GIT2: variants seen among roughly 807,000 people sequenced by gnomAD.
GIT2 encodes GIT ArfGAP 2.
Under a neutral mutation model 100.3 loss-of-function variants are expected in GIT2, and 32 were observed. The observed-to-expected ratio is 0.32, with a 90% CI of 0.24 to 0.43. GIT2 has a LOEUF of 0.43. GIT2 is among the 20% of genes least tolerant of loss of function. The probability of loss-of-function intolerance (pLI) is 1.00; values close to 1 mark genes in which losing one functional copy is unlikely to be tolerated. For synonymous variants in GIT2, 353 were observed against 364.1 expected, an observed-to-expected ratio of 0.97 and a Z score of 0.35; for missense variants, 737 against 975.1, an observed-to-expected ratio of 0.76 and a Z score of 3.25.
At chr12:109,984,633 G>T (rs1886986650) in intron 4 of GIT2, among the ~76,000 whole-genome samples, 2 of 151,846 alleles carry the variant, frequency 1.3e-5, no homozygotes, top group Admixed American at 6.6e-5. Flanking sequence ...TTTCAATACA[G>T]ATGAGGTCTC....
At chr12:109,966,387 T>C (rs1256818418) in intron 8 of GIT2, among the ~76,000 whole-genome samples, 5 of 151,106 alleles carry the variant, frequency 3.3e-5, no homozygotes, top group African/African-American at 7.3e-5. Context: ...CACACACCCA[T>C]AGTCCCAGCA....
At chr12:109,984,633 G>C (rs1886986650) in intron 4 of GIT2, among the ~76,000 whole-genome samples, 1 of 151,846 alleles carries the variant, frequency 6.6e-6, no homozygotes. Context: ...TTTCAATACA[G>C]ATGAGGTCTC....
chr12:109,996,559 G>C (rs1471604382), upstream of GIT2, among the ~76,000 whole-genome samples: 3 of 152,214 alleles, frequency 2.0e-5, no homozygotes, highest in Non-Finnish European at 4.4e-5. Context: ...TAATACCAGG[G>C]GAAGTAGCAA....
intron 7 of GIT2, among the ~76,000 whole-genome samples, chr12:109,968,354 C>T (rs1883004624): frequency 6.6e-6 from 1 of 151,536 alleles, no homozygotes; most frequent in African/African-American, 2.4e-5. Context: ...TTTTTGCCAT[C>T]CCATATCTTG....
rs1439404445 is a variant in GIT2, at chr12:109,938,778, G to C, written c.1815-210C>G. On this transcript the variant is annotated intron_variant, in intron 17 of 19. Transcript: ENST00000355312. ...CTGGAAGTGTTGACTCTCACAGGAA[G>C]GGTGAAGGAGGGGAAAAGGGAGGGA... The C allele has an allele frequency of 5.7e-6, 3 of 528,826 alleles. No homozygotes were observed. The African/African-American group carries it at 5.7e-5, about 10-fold the overall frequency. The allele number at this position is 528,826 out of a possible 1,614,324, so 32.8% of individuals were successfully genotyped here. A position where few individuals can be genotyped will look rare whatever the true frequency, so the allele number is the denominator to read the frequency against.
intron 12 of GIT2, 92 bp downstream of exon 12, chr12:109,959,755 T>C (rs1880571014): frequency 1.3e-6 from 1 of 759,090 alleles, no homozygotes; most frequent in Non-Finnish European, 2.3e-6. Flanking sequence ...AACTGTCATG[T>C]TGATGACTGC....
intron 12 of GIT2, chr12:109,953,549 C>G (rs915575575): frequency 8.8e-6 from 2 of 227,286 alleles, no homozygotes; most frequent in Non-Finnish European, 1.7e-5. Flanking sequence ...ATTGCTTGAG[C>G]CCAGGAGATT....
At chr12:109,949,621 G>A (rs941242016) in intron 14 of GIT2, among the ~76,000 whole-genome samples, 4 of 152,170 alleles carry the variant, frequency 2.6e-5, no homozygotes, top group African/African-American at 9.7e-5. Context: ...GAAATCAAAA[G>A]CACTTCTAAG....
Position 109,967,384 on chromosome 12 carries a change from A to G in GIT2, c.764+74T>C, listed in dbSNP as rs1420530788. ...ATGGGCTTTGTTAAACACAAAATATAATATACTTAAACATAATACAACCAA... is the reference window on the plus strand; with the variant it reads ...ATGGGCTTTGTTAAACACAAAATATGATATACTTAAACATAATACAACCAA... On this transcript the variant is annotated intron_variant, in intron 8 of 19. Coordinates refer to ENST00000355312, the MANE Select transcript of GIT2 (RefSeq NM_057169.5). 1.3e-5 allele frequency: 20 copies of G among 1,518,922 alleles called. No individual in the cohort carries two copies. The East Asian group carries it at 2.9e-4, about 22-fold the overall frequency. 94.1% of individuals were successfully genotyped at this position (1,518,922 alleles called of 1,614,324 possible).
upstream of GIT2, chr12:109,999,504 C>A (rs1341508765): frequency 3.2e-6 from 1 of 313,420 alleles, no homozygotes. The surrounding 1 kb of genome is among the most constrained non-coding windows in gnomAD (Gnocchi z 4.3). Flanking sequence ...GACCTGGTCC[C>A]TGAGCCGGCC....
chr12:109,975,561 T>G (rs1424529721), intron 7 of GIT2, among the ~76,000 whole-genome samples: 2 of 152,148 alleles, frequency 1.3e-5, no homozygotes, highest in Non-Finnish European at 2.9e-5. Flanking sequence ...TTCATTGATG[T>G]GTTTGGGTCA....
rs376418698 is a variant in GIT2, at chr12:109,980,373, CTTTA to C, written c.718+575_718+578del. The stretch of plus-strand genomic sequence containing the variant: ...CATGACCCGTTGCACCCGGCAGAAG[CTTTA>C]TTTATTTATTTATTTATTTTTATTT... On this transcript the variant is annotated intron_variant, in intron 7 of 19. Transcript: ENST00000355312. Among the ~76,000 whole-genome samples the C allele has an allele frequency of 3.4e-3, 511 of 151,976 alleles. 5 individuals are homozygous for C. The South Asian group carries it at 0.044, about 13-fold the overall frequency.
intron 8 of GIT2, 162 bp downstream of exon 8, chr12:109,967,296 A>T: frequency 6.3e-7 from 1 of 1,579,802 alleles, no homozygotes. Context: ...CTTAAGTTTT[A>T]TATAGTGGTT....
rs1592922516 is a variant in GIT2, at chr12:109,929,899, T to A, written c.*3079A>T. 1.3e-5 allele frequency: 2 copies of A among 152,578 alleles called. No homozygotes were observed. Among genetic ancestry groups the A allele is most frequent in the Admixed American group, 6.5e-5 (1 of 15,274 alleles). 9.5% of individuals were successfully genotyped at this position (152,578 alleles called of 1,614,324 possible). On this transcript the variant is annotated 3_prime_UTR_variant, in exon 20 of 20. Transcript: ENST00000355312. ...GCACAATAATTACAGGAATAGAATG[T>A]ACAATAAAAAGTACAGAATAATGAG... is the stretch of plus-strand genomic sequence containing the variant.
chr12:109,983,173 C>T, intron 6 of GIT2, 200 bp downstream of exon 6: 1 of 521,266 alleles, frequency 1.9e-6, no homozygotes, highest in Non-Finnish European at 3.4e-6. Context: ...GGAAGCTTAG[C>T]ACACTGGTTC....
In GIT2 at chr12:109,991,681, A is replaced by G. The variant is rs755564997; in HGVS notation, c.132T>C (p.His44=). 1.2e-6 allele frequency: 2 copies of G among 1,613,092 alleles called. No homozygotes were observed. Among genetic ancestry groups the G allele is most frequent in the Non-Finnish European group, 1.7e-6 (2 of 1,179,054 alleles). ...GTTTCAGATGCCTCACTTGGGAGAT[A>G]TGGCGCCCTAGACTCCGATGGACAC... ...CCSVHRSLGR[H]ISQVRHLKHT... is the part of the protein sequence containing the mutation. The change falls in exon 2 of 20, where the codon CAT becomes CAC. Residue 44 remains histidine, a synonymous_variant. Coordinates refer to ENST00000355312, the MANE Select transcript of GIT2 (RefSeq NM_057169.5).
rs1286722287 is a variant in GIT2, at chr12:109,951,232, T to C, written c.1327A>G (p.Lys443Glu). Residue 443 changes from lysine to glutamate, a missense_variant, in exon 14 of 20, where the codon AAG (lysine) becomes GAG (glutamate). Lys to Glu is a moderately conservative substitution (Grantham distance 56). Coordinates refer to ENST00000355312, the MANE Select transcript of GIT2 (RefSeq NM_057169.5). ...VKNALVASEAKIQQLMKVNNN... is the reference protein window; with the variant it reads ...VKNALVASEAEIQQLMKVNNN... ...TTCACCTTCATTAGCTGCTGTATCT[T>C]GGCCTCAGAAGCCACTAGAGCGTTT... The C allele has an allele frequency of 6.2e-7, 1 of 1,612,760 alleles. No homozygotes were observed. The highest frequency in any genetic ancestry group is 8.5e-7 in the Non-Finnish European group (1 of 1,178,814).
chr12:109,945,109 G>C (rs1875938681), intron 16 of GIT2, 151 bp downstream of exon 16: 1 of 609,300 alleles, frequency 1.6e-6, no homozygotes, highest in Non-Finnish European at 3.0e-6. Context: ...ACGAGTGTGA[G>C]CCTGATGCAC....
At chr12:109,945,461 G>A in intron 15 of GIT2, 112 bp from the exon 16 acceptor site, 1 of 679,314 alleles carries the variant, frequency 1.5e-6, no homozygotes, top group Non-Finnish European at 2.7e-6. Context: ...TGTGACGTGA[G>A]TGCTGCAATC....
Sources: gnomAD v4.1 joint callset for allele counts (sites outside exome capture counted in the v4.1 genomes callset) on GRCh38, gnomAD v4.1.1 for gene constraint, Gnocchi (gnomAD v3.1) non-coding constraint, MANE v1.5 for transcripts, NCBI Gene and HGNC (gene_info 2026-07-23, HGNC 2026-07-21) for gene names.